DNAH3: variants seen among roughly 807,000 people sequenced by gnomAD.
DNAH3 encodes the protein axonemal beta dynein heavy chain 3.
In DNAH3, 332 loss-of-function variants were observed where a neutral mutation model predicts 432.5. The observed-to-expected ratio is 0.77, with a 90% CI of 0.70 to 0.84. The LOEUF (loss-of-function observed/expected upper bound fraction) is 0.84. DNAH3 is among the 40% of genes least tolerant of loss of function. The pLI is 0.00. For synonymous variants in DNAH3, 1,956 were observed against 1,900.2 expected (o/e 1.03, Z -0.76); for missense variants, 4,861 against 5,114.0 (o/e 0.95, Z 1.51).
At chr16:20,940,919 C>T (rs1371028506) in intron 59 of DNAH3, among the ~76,000 whole-genome samples, 2 of 152,148 alleles carry the variant, frequency 1.3e-5, no homozygotes, top group South Asian at 4.1e-4. Flanking sequence ...CATGTCAAAA[C>T]TCCATCTCTA....
chr16:21,138,813 A>AT (rs1305464359), intron 5 of DNAH3, among the ~76,000 whole-genome samples: 12 of 149,952 alleles, frequency 8.0e-5, no homozygotes, highest in African/African-American at 3.0e-4. Context: ...CCCTCTAATA[A>AT]AAAAAAAAAA....
intron 11 of DNAH3, chr16:21,120,604 G>A (rs1158702894): frequency 1.3e-5 from 9 of 696,522 alleles, no homozygotes; most frequent in Middle Eastern, 2.3e-4. Flanking sequence ...TCACTAGATG[G>A]GGAACTCAGT....
At chr16:21,021,878 T>C (rs1372650542) in intron 40 of DNAH3, 93 bp downstream of exon 40, 19 of 1,446,626 alleles carry the variant, frequency 1.3e-5, no homozygotes, top group Non-Finnish European at 1.7e-5. Flanking sequence ...ACTCTAGCCT[T>C]GGTGACAGAG....
intron 15 of DNAH3, among the ~76,000 whole-genome samples, chr16:21,105,130 A>G (rs900311015): frequency 1.3e-5 from 2 of 152,152 alleles, no homozygotes; most frequent in African/African-American, 4.8e-5. Context: ...CAGAGCCCAC[A>G]GTGAGAGTCC....
At chr16:21,052,041 G>T (rs1214029460) in intron 28 of DNAH3, among the ~76,000 whole-genome samples, 173 bp from the exon 29 acceptor site, 1 of 151,840 alleles carries the variant, frequency 6.6e-6, no homozygotes, top group African/African-American at 2.4e-5. Flanking sequence ...CCCCATTCTG[G>T]AGTGCAATGG....
At chr16:21,046,500 C>T (rs1303925054) in intron 31 of DNAH3, among the ~76,000 whole-genome samples, 1 of 151,734 alleles carries the variant, frequency 6.6e-6, no homozygotes, top group Non-Finnish European at 1.5e-5. Flanking sequence ...ATTGCAACCC[C>T]TGCCTTTTTT....
chr16:20,954,835 C>T (rs1385259421), exon 55 of DNAH3: 1 of 1,614,148 alleles, frequency 6.2e-7, no homozygotes, highest in Admixed American at 1.7e-5. Flanking sequence ...AGTTTCTTCT[C>T]TCTTGAACAA....
intron 57 of DNAH3, among the ~76,000 whole-genome samples, chr16:20,946,729 G>A (rs533049531): frequency 6.6e-6 from 1 of 151,464 alleles, no homozygotes; most frequent in Admixed American, 6.6e-5. Flanking sequence ...CAGGCCGCAG[G>A]AAACAGAATC....
chr16:20,944,564 T>G (rs1418764473), exon 58 of DNAH3: 2 of 1,614,054 alleles, frequency 1.2e-6, no homozygotes. Context: ...AACAGCTGGT[T>G]GGTTTCCTGG....
exon 53 of DNAH3, chr16:20,963,370 G>T: frequency 6.2e-7 from 1 of 1,614,136 alleles, no homozygotes; most frequent in Non-Finnish European, 8.5e-7. Flanking sequence ...GAGATCGAAC[G>T]TAGGGGCTTC....
At chr16:21,095,852 C>T (rs1237047122) in intron 18 of DNAH3, among the ~76,000 whole-genome samples, 1 of 152,114 alleles carries the variant, frequency 6.6e-6, no homozygotes, top group African/African-American at 2.4e-5. Flanking sequence ...GCAGCCTCAA[C>T]CTCCCAGGTT....
chr16:20,947,037 C>A (rs936176846), intron 57 of DNAH3, among the ~76,000 whole-genome samples: 1 of 151,856 alleles, frequency 6.6e-6, no homozygotes, highest in African/African-American at 2.4e-5. Flanking sequence ...ATTGGCCAGG[C>A]TGGTCTCAAA....
chr16:21,003,369 A>G lies in DNAH3; in HGVS notation c.6023-162T>C, dbSNP rs76805346. 1.9e-3 allele frequency among the ~76,000 whole-genome samples: 292 copies of G among 152,354 alleles called. 7 individuals carry two copies. The East Asian group carries it at 0.047, about 24-fold the overall frequency. ...TTATACATTGCTGGAAAGTGTATAA[A>G]CTGAAACAACACTTTTTAAAGAGTA... On this transcript the variant is annotated intron_variant, in intron 41 of 61. Coordinates refer to ENST00000261383, the Ensembl canonical transcript of DNAH3.
intron 1 of DNAH3, chr16:21,150,330 C>G (rs1301867631): frequency 1.5e-5 from 7 of 454,424 alleles, no homozygotes; most frequent in South Asian, 1.1e-4. Context: ...GGTGTCCACT[C>G]TAATTGTAGC....
At chr16:21,105,992 C>A (rs567866666) in intron 15 of DNAH3, among the ~76,000 whole-genome samples, 119 of 150,804 alleles carry the variant, frequency 7.9e-4, no homozygotes, top group African/African-American at 2.8e-3. Flanking sequence ...CCATCCTGGC[C>A]AACATGGTAA....
intron 55 of DNAH3, 125 bp from the exon 56 acceptor site, chr16:20,952,674 G>A (rs2084369163): frequency 3.1e-6 from 2 of 651,538 alleles, no homozygotes; most frequent in East Asian, 2.7e-5. Flanking sequence ...TGAATATCAA[G>A]CACCGAGGCC....
chr16:20,935,200 T>C (rs1395380836), intron 61 of DNAH3, 148 bp downstream of exon 61: 1 of 854,834 alleles, frequency 1.2e-6, no homozygotes, highest in Non-Finnish European at 1.8e-6. Flanking sequence ...CTTTTAGAGC[T>C]ACTGTAAATT....
chr16:20,984,161 ATG>A (rs61445558), intron 48 of DNAH3, among the ~76,000 whole-genome samples: 23 of 150,658 alleles, frequency 1.5e-4, no homozygotes, highest in South Asian at 6.3e-4. Flanking sequence ...CCTTATCCCA[ATG>A]TGTGTGTGTG....
chr16:20,995,617 C>T (rs1389146), intron 44 of DNAH3, among the ~76,000 whole-genome samples: 12,630 of 152,098 alleles, frequency 0.083, 833 homozygotes, highest in African/African-American at 0.17. Flanking sequence ...TGAAAATTTC[C>T]GCCTTTTTTC....
Sources: gnomAD v4.1 joint callset for allele counts (sites outside exome capture counted in the v4.1 genomes callset) on GRCh38, gnomAD v4.1.1 for gene constraint, MANE v1.5 for transcripts, NCBI Gene and HGNC (gene_info 2026-07-23, HGNC 2026-07-21) for gene names.